Variants in GAB2 observed in about 807,000 individuals in gnomAD.
The protein encoded by GAB2 is GRB2 associated binding protein 2.
GAB2 carries 26 observed loss-of-function variants against 65.5 expected under a neutral mutation model. That is an observed-to-expected ratio of 0.40 (90% CI 0.29 to 0.55). GAB2 has a LOEUF of 0.55. GAB2 is among the 20% of genes least tolerant of loss of function. GAB2 has a pLI of 0.53. For synonymous variants in GAB2, 321 were observed against 329.6 expected, an observed-to-expected ratio of 0.97 and a Z score of 0.28; for missense variants, 884 against 875.8, an observed-to-expected ratio of 1.01 and a Z score of -0.12.
chr11:78,350,155 G>A (rs1442574411), intron 1 of GAB2, among the ~76,000 whole-genome samples: 1 of 152,150 alleles, frequency 6.6e-6, no homozygotes. Flanking sequence ...TTTCAGACCA[G>A]CTGTAGTCCA....
At chr11:78,388,966 T>C (rs1337558061) in intron 1 of GAB2, among the ~76,000 whole-genome samples, 1 of 152,192 alleles carries the variant, frequency 6.6e-6, no homozygotes, top group Non-Finnish European at 1.5e-5. Flanking sequence ...AAAAGATCTT[T>C]CTCCTAGAAA....
At chr11:78,302,212 G>A (rs1363862612) in intron 1 of GAB2, among the ~76,000 whole-genome samples, 1 of 152,118 alleles carries the variant, frequency 6.6e-6, no homozygotes, top group Non-Finnish European at 1.5e-5. Flanking sequence ...AAACTAAAGA[G>A]CTTTTGCATG....
chr11:78,238,206 C>CAAAAAAA (rs10541492), intron 3 of GAB2, among the ~76,000 whole-genome samples: 85 of 104,742 alleles, frequency 8.1e-4, no homozygotes, highest in South Asian at 1.2e-3. Context: ...AGGGAAGAAA[C>CAAAAAAA]AAAAAAAAAA....
chr11:78,385,403 C>T (rs1454651169), intron 1 of GAB2, among the ~76,000 whole-genome samples: 2 of 152,138 alleles, frequency 1.3e-5, no homozygotes, highest in African/African-American at 4.8e-5. Context: ...AACAATGTGA[C>T]AGGAGGTTTA....
At chr11:78,416,448 G>C (rs184363272) in intron 1 of GAB2, among the ~76,000 whole-genome samples, 440 of 152,284 alleles carry the variant, frequency 2.9e-3, no homozygotes, top group African/African-American at 0.01. Context: ...ATTCTGGTAG[G>C]CTTCTGCCTC....
chr11:78,360,261 T>A (rs1320989944), intron 1 of GAB2, among the ~76,000 whole-genome samples: 1 of 152,116 alleles, frequency 6.6e-6, no homozygotes, highest in Non-Finnish European at 1.5e-5. Flanking sequence ...AGTCATTTGT[T>A]ACAGCAACTA....
intron 1 of GAB2, among the ~76,000 whole-genome samples, chr11:78,297,809 TTTATA>T (rs1237736517): frequency 6.6e-6 from 1 of 152,194 alleles, no homozygotes; most frequent in Non-Finnish European, 1.5e-5. Flanking sequence ...TCACATATTA[TTTATA>T]TTAAATATAC....
At chr11:78,299,196 G>A (rs960663588) in intron 1 of GAB2, among the ~76,000 whole-genome samples, 2 of 152,206 alleles carry the variant, frequency 1.3e-5, no homozygotes, top group Non-Finnish European at 2.9e-5. Context: ...AGGAATAAAT[G>A]TATCAGGAGT....
chr11:78,325,991 C>T (rs903813898), intron 1 of GAB2, among the ~76,000 whole-genome samples: 1 of 152,186 alleles, frequency 6.6e-6, no homozygotes, highest in Non-Finnish European at 1.5e-5. Context: ...CCTACCCTAA[C>T]TCCAGCCATC....
chr11:78,373,665 C>A (rs1856599506), intron 1 of GAB2, among the ~76,000 whole-genome samples: 1 of 152,150 alleles, frequency 6.6e-6, no homozygotes, highest in Admixed American at 6.5e-5. Flanking sequence ...CAAATGTAAA[C>A]AAATACTTAA....
At chr11:78,317,761 G>A (rs970007754) in intron 1 of GAB2, among the ~76,000 whole-genome samples, 2 of 151,898 alleles carry the variant, frequency 1.3e-5, no homozygotes, top group African/African-American at 4.8e-5. Context: ...GTTACCTAAG[G>A]AGATCAGCCC....
At chr11:78,354,504 A>G (rs991022975) in intron 1 of GAB2, among the ~76,000 whole-genome samples, 1 of 152,162 alleles carries the variant, frequency 6.6e-6, no homozygotes, top group Non-Finnish European at 1.5e-5. Context: ...GGCTTTTGAC[A>G]CTGCAATGGT....
At chr11:78,319,128 G>A (rs1207102671) in intron 1 of GAB2, among the ~76,000 whole-genome samples, 2 of 152,164 alleles carry the variant, frequency 1.3e-5, no homozygotes, top group African/African-American at 4.8e-5. Context: ...GCGTTTGGAT[G>A]CACCCTCAGA....
intron 3 of GAB2, among the ~76,000 whole-genome samples, chr11:78,230,556 A>G (rs1864811953): frequency 1.3e-5 from 2 of 152,240 alleles, no homozygotes; most frequent in South Asian, 4.1e-4. Context: ...TATGTCAGTT[A>G]TTCAGGTCTG....
intron 1 of GAB2, among the ~76,000 whole-genome samples, chr11:78,347,229 C>T (rs987336611): frequency 2.0e-5 from 3 of 152,032 alleles, no homozygotes; most frequent in East Asian, 3.9e-4. Flanking sequence ...GATATGAAAC[C>T]CCTGGTTCTA....
At chr11:78,259,612 A>T (rs1019882357) in intron 2 of GAB2, among the ~76,000 whole-genome samples, 2 of 152,232 alleles carry the variant, frequency 1.3e-5, no homozygotes, top group Non-Finnish European at 2.9e-5. Flanking sequence ...TTTATGCCAG[A>T]GGAAATTCAT....
At chr11:78,227,792 CCT>C (rs978639734) in intron 3 of GAB2, among the ~76,000 whole-genome samples, 2 of 151,904 alleles carry the variant, frequency 1.3e-5, no homozygotes, top group Non-Finnish European at 2.9e-5. Flanking sequence ...AGAATGAGAC[CCT>C]GTTTCAAAAA....
At chr11:78,225,057 CT>C (rs756662894) in intron 5 of GAB2, 50 bp downstream of exon 5, 1 of 1,185,264 alleles carries the variant, frequency 8.4e-7, no homozygotes, top group Admixed American at 1.8e-5. Flanking sequence ...AAGGTGTGAC[CT>C]TTTACCTAAC....
intron 1 of GAB2, among the ~76,000 whole-genome samples, chr11:78,373,683 A>G (rs1173203330): frequency 6.6e-6 from 1 of 152,376 alleles, no homozygotes; most frequent in Middle Eastern, 3.4e-3. Context: ...TAAGTAATAC[A>G]TGTAAATTGC....
Sources: allele counts gnomAD v4.1 joint callset (sites outside exome capture counted in the v4.1 genomes callset), GRCh38; gene constraint gnomAD v4.1.1; transcripts MANE v1.5; gene names NCBI Gene and HGNC (gene_info 2026-07-23, HGNC 2026-07-21).